Variants in INSYN2A observed in about 807,000 individuals in gnomAD.
INSYN2A encodes the protein inhibitory synaptic factor 2A.
INSYN2A carries 17 observed loss-of-function variants against 39.4 expected under a neutral mutation model. That is an observed-to-expected ratio of 0.43 (90% CI 0.30 to 0.65). The LOEUF (loss-of-function observed/expected upper bound fraction) is 0.65, where lower values mean the gene tolerates loss of function less well. INSYN2A is among the 30% of genes least tolerant of loss of function. The pLI is 0.14. For synonymous variants in INSYN2A, 255 were observed against 265.7 expected, an observed-to-expected ratio of 0.96 and a Z score of 0.39; for missense variants, 595 against 631.2, an observed-to-expected ratio of 0.94 and a Z score of 0.61.
At chr10:127,180,746 A>C (rs2133960820) in intron 2 of INSYN2A, among the ~76,000 whole-genome samples, 1 of 152,370 alleles carries the variant, frequency 6.6e-6, no homozygotes, top group East Asian at 1.9e-4. Flanking sequence ...ATTATGGTTT[A>C]CATTCACTCT....
At chr10:127,154,434 ATAT>A (rs1402985755) in intron 4 of INSYN2A, among the ~76,000 whole-genome samples, 3 of 150,706 alleles carry the variant, frequency 2.0e-5, no homozygotes, top group African/African-American at 7.5e-5. Flanking sequence ...AAAGCATATA[ATAT>A]TTGTGACACA....
intron 2 of INSYN2A, among the ~76,000 whole-genome samples, chr10:127,179,430 A>T (rs930012846): frequency 6.6e-6 from 1 of 152,230 alleles, no homozygotes; most frequent in Non-Finnish European, 1.5e-5. Context: ...TTGCTGACTT[A>T]AAAAACAGTA....
At chr10:127,139,715 G>C (rs576863223) in intron 5 of INSYN2A, among the ~76,000 whole-genome samples, 1 of 152,096 alleles carries the variant, frequency 6.6e-6, no homozygotes, top group East Asian at 1.9e-4. Flanking sequence ...TTTGGGAGTC[G>C]GGGGCTCCTT....
At chr10:127,160,557 T>G (rs2053511716) in intron 4 of INSYN2A, among the ~76,000 whole-genome samples, 1 of 152,226 alleles carries the variant, frequency 6.6e-6, no homozygotes, top group Admixed American at 6.5e-5. Context: ...GTTCAGAGCT[T>G]CTAGCATGTC....
At chr10:127,143,855 A>T (rs1564837481) in intron 5 of INSYN2A, among the ~76,000 whole-genome samples, 1 of 152,076 alleles carries the variant, frequency 6.6e-6, no homozygotes, top group Non-Finnish European at 1.5e-5. Flanking sequence ...TTCTCTTCTG[A>T]ACACATCTCC....
Position 127,196,525 on chromosome 10 carries a change from C to T in INSYN2A, c.-923G>A, listed in dbSNP as rs1039488678. On this transcript the variant is annotated 5_prime_UTR_variant, in exon 1 of 6. Transcript: ENST00000522781. ...CTCCGCGGAGCCGGGCGGCCAGAGG[C>T]GAGGGCGCCCCAAGCCGCGCGCCTG... 1.4e-4 allele frequency among the ~76,000 whole-genome samples: 20 copies of T among 147,808 alleles called. No individual in the cohort carries two copies. Among genetic ancestry groups the T allele is most frequent in the Admixed American group, 1.0e-3 (15 of 14,904 alleles).
Position 127,175,088 on chromosome 10 carries a change from A to T in INSYN2A, c.1184+124T>A. ...ACCCCTTGGAGCTCGCCACGCCCTT[A>T]GACTATGACCTGTTTACGGAAATGC... On this transcript the variant is annotated intron_variant, in intron 4 of 5. Coordinates refer to ENST00000522781, the MANE Select transcript of INSYN2A (RefSeq NM_001039762.3). The surrounding 1 kb of genome is among the most constrained non-coding windows in gnomAD (Gnocchi z 6.3). 1.2e-6 allele frequency: 1 copy of T among 838,222 alleles called. No homozygotes were observed. Among genetic ancestry groups the T allele is most frequent in the South Asian group, 1.7e-5 (1 of 60,140 alleles). The allele number at this position is 838,222 out of a possible 1,614,324, so 51.9% of individuals were successfully genotyped here.
intron 5 of INSYN2A, among the ~76,000 whole-genome samples, chr10:127,152,838 C>A: frequency 6.6e-6 from 1 of 152,188 alleles, no homozygotes; most frequent in East Asian, 1.9e-4. Context: ...GACAAGGTCT[C>A]CAGGTGACCC....
In INSYN2A at chr10:127,188,389, T is replaced by C. The variant is rs552937013; in HGVS notation, c.-269+4216A>G. On this transcript the variant is annotated intron_variant, in intron 2 of 5. Transcript: ENST00000522781. Reference sequence around the variant, plus strand: ...TAGGGCATATTCACACTTTTTTTTATGTATATATATTTCTGGTTGGAGACG... The same window carrying C: ...TAGGGCATATTCACACTTTTTTTTACGTATATATATTTCTGGTTGGAGACG... Among the ~76,000 whole-genome samples the C allele has an allele frequency of 1.7e-4, 26 of 152,192 alleles. 1 individual carries two copies. Among genetic ancestry groups the C allele is most frequent in the Non-Finnish European group, 3.5e-4 (24 of 68,034 alleles).
intron 4 of INSYN2A, among the ~76,000 whole-genome samples, chr10:127,159,317 C>G (rs553579162): frequency 2.0e-5 from 3 of 152,134 alleles, no homozygotes; most frequent in Admixed American, 6.5e-5. Context: ...AGGGCTACCT[C>G]TCTGTAATGG....
rs761218441 is a variant in INSYN2A at position 127,176,433 on chromosome 10, G to A, written c.-5-33C>T. ...CAGAAACAGCAACAGAGGTGTCAGT[G>A]GGACAGAAATACACACTCAAGCACC... On this transcript the variant is annotated intron_variant, in intron 3 of 5. Coordinates refer to ENST00000522781, the MANE Select transcript of INSYN2A (RefSeq NM_001039762.3). This position sits in a 1 kb window ranked among gnomAD's most constrained non-coding sequence, Gnocchi z 4.4. 1.3e-6 allele frequency: 2 copies of A among 1,543,798 alleles called. No individual in the cohort carries two copies. Among genetic ancestry groups the A allele is most frequent in the Admixed American group, 1.8e-5 (1 of 55,982 alleles).
chr10:127,160,152 G>A (rs1589699992), intron 4 of INSYN2A, among the ~76,000 whole-genome samples: 3 of 146,192 alleles, frequency 2.1e-5, no homozygotes, highest in South Asian at 2.1e-4. Flanking sequence ...AAAAAAAAAA[G>A]TCTCTCACTG....
intron 4 of INSYN2A, among the ~76,000 whole-genome samples, chr10:127,171,821 A>G (rs1051483052): frequency 6.6e-6 from 1 of 152,160 alleles, no homozygotes; most frequent in Non-Finnish European, 1.5e-5. Flanking sequence ...CTCCTGCCTC[A>G]GCCTCTGGAG....
chr10:127,145,481 T>C (rs528554142), intron 5 of INSYN2A, among the ~76,000 whole-genome samples: 20 of 152,282 alleles, frequency 1.3e-4, no homozygotes, highest in African/African-American at 4.8e-4. Context: ...TTTCCAACTT[T>C]TGACAGAAAC....
At chr10:127,168,878 C>A (rs1329569978) in intron 4 of INSYN2A, among the ~76,000 whole-genome samples, 1 of 152,154 alleles carries the variant, frequency 6.6e-6, no homozygotes, top group Non-Finnish European at 1.5e-5. Context: ...TTAAATAGTC[C>A]CCTTATGCTT....
At chr10:127,151,134 C>G (rs904885242) in intron 5 of INSYN2A, among the ~76,000 whole-genome samples, 4 of 152,158 alleles carry the variant, frequency 2.6e-5, no homozygotes, top group African/African-American at 9.7e-5. Flanking sequence ...AAACTCTTAT[C>G]CAACATAATA....
intron 1 of INSYN2A, among the ~76,000 whole-genome samples, chr10:127,194,744 C>T (rs989603128): frequency 2.0e-5 from 3 of 152,166 alleles, no homozygotes; most frequent in African/African-American, 7.2e-5. Flanking sequence ...AGTGCACAGA[C>T]GTCTACCCTG....
In INSYN2A at chr10:127,176,140, T is replaced by C; in HGVS notation, c.256A>G (p.Lys86Glu). 1 of 1,614,128 alleles carries C rather than the reference T, an allele frequency of 6.2e-7. No homozygotes were observed. Among genetic ancestry groups the C allele is most frequent in the South Asian group, 1.1e-5 (1 of 91,076 alleles). Reference sequence around the variant, plus strand: ...CTGCGTGCGGGCACTGTCATGTATTTGCGGTAGGCTGCTCTGCAGGACACG... The same window carrying C: ...CTGCGTGCGGGCACTGTCATGTATTCGCGGTAGGCTGCTCTGCAGGACACG... ...KPVSCRAAYR[K>E]YMTVPARRSI... The change falls in exon 4 of 6, where the codon AAA becomes GAA. Residue 86 changes from lysine to glutamate, a missense_variant. This residue lies in a region of INSYN2A where 478 missense variants were observed against 467.4 expected (regional missense o/e 1.02). Transcript: ENST00000522781. This position sits in a 1 kb window ranked among gnomAD's most constrained non-coding sequence, Gnocchi z 4.4.
chr10:127,139,651 TG>T (rs1483470364), intron 5 of INSYN2A, among the ~76,000 whole-genome samples: 2 of 152,200 alleles, frequency 1.3e-5, no homozygotes, highest in Non-Finnish European at 1.5e-5. Context: ...TTCCGTGATG[TG>T]GTGCACTAGA....
Sources: allele counts gnomAD v4.1 joint callset (sites outside exome capture counted in the v4.1 genomes callset), GRCh38; gene constraint gnomAD v4.1.1; regional missense constraint gnomAD v4.1.1; non-coding constraint Gnocchi (gnomAD v3.1); transcripts MANE v1.5; gene names NCBI Gene and HGNC (gene_info 2026-07-23, HGNC 2026-07-21).